Variants in UBA7 observed in about 807,000 individuals in gnomAD.
UBA7 encodes ubiquitin-like modifier-activating enzyme 7.
In UBA7, 88 loss-of-function variants were observed where a neutral mutation model predicts 113.0. The observed-to-expected ratio is 0.78, with a 90% CI of 0.66 to 0.93. The LOEUF is 0.93. UBA7 is among the 40% of genes least tolerant of loss of function. The pLI is 0.00. For synonymous variants in UBA7, 459 were observed against 513.0 expected (o/e 0.89, Z 1.42); for missense variants, 1,092 against 1,266.4 (o/e 0.86, Z 2.09).
Position 49,807,636 on chromosome 3 carries a change from G to T in UBA7, c.2715+100C>A. The T allele has an allele frequency of 7.0e-7, 1 of 1,419,678 alleles. No individual in the cohort carries two copies. Among genetic ancestry groups the T allele is most frequent in the Non-Finnish European group, 9.5e-7 (1 of 1,055,752 alleles). The allele number at this position is 1,419,678 out of a possible 1,614,324, so 87.9% of individuals were successfully genotyped here. A position where few individuals can be genotyped will look rare whatever the true frequency, so the allele number is the denominator to read the frequency against. On this transcript the variant is annotated intron_variant, in intron 21 of 23. Transcript: ENST00000333486. The surrounding 1 kb of genome is among the most constrained non-coding windows in gnomAD (Gnocchi z 4.0). ...AGTCTTCAGGACTTCTGCACAGTCT[G>T]AGTTTCAGTGAGAGCCGGCAGCTAG... is the stretch of plus-strand genomic sequence containing the variant.
In UBA7 at chr3:49,810,636, C is replaced by A; in HGVS notation, c.1348G>T (p.Val450Phe). ...AGAIGCELLKVFALVGLGAGN... is the reference protein window; with the variant it reads ...AGAIGCELLKFFALVGLGAGN... ...GCCCCCAGTCCCACTAGGGCAAAGA[C>A]TTTGAGCAGCTCACAACCAATGGCA... is the stretch of plus-strand genomic sequence containing the variant. Residue 450 changes from valine to phenylalanine, a missense_variant, in exon 12 of 24, where the codon GTC becomes TTC. Physicochemically the swap from Val to Phe is conservative, Grantham distance 50 (BLOSUM62 -1). Coordinates refer to ENST00000333486, the MANE Select transcript of UBA7 (RefSeq NM_003335.3). The surrounding 1 kb of genome is among the most constrained non-coding windows in gnomAD (Gnocchi z 5.6). The A allele has an allele frequency of 6.2e-7, 1 of 1,614,130 alleles. No individual in the cohort carries two copies. The highest frequency in any genetic ancestry group is 8.5e-7 in the Non-Finnish European group (1 of 1,180,004).
rs1312194057 is a variant in UBA7, at chr3:49,806,125, A to G, written c.2756T>C (p.Val919Ala). Residue 919 changes from valine (V) to alanine (A), a missense_variant, in exon 22 of 24, where the codon GTA (valine) becomes GCA (alanine). Val to Ala is a moderately conservative substitution (Grantham distance 64, BLOSUM62 0). Around this residue, in one of 3 missense-constraint regions of UBA7, gnomAD observed 500 missense variants for 529.3 expected, o/e 0.94. Transcript: ENST00000333486. ...GGTCCTCTCAGGCTGCCCAGCTGGTACCTTCAGACGGTCCCAAGAGGTCCA... is the reference window on the plus strand; with the variant it reads ...GGTCCTCTCAGGCTGCCCAGCTGGTGCCTTCAGACGGTCCCAAGAGGTCCA... ...LKWTSWDRLK[V>A]PAGQPERTLE... The G allele has an allele frequency of 6.2e-7, 1 of 1,602,604 alleles. No homozygotes were observed.
At position 49,809,100 on chromosome 3, in the gene UBA7, C is replaced by A. The variant is rs141482367; in HGVS notation, c.2223G>T (p.Leu741=). The part of the protein sequence containing the change: ...AANLYAQMHG[L]PGSQDWTALR... ...GTGCAGTCCAGTCCTGTGAGCCAGGCAGCCCATGCATCTGGGCATACAGGT... is the reference window on the plus strand; with the variant it reads ...GTGCAGTCCAGTCCTGTGAGCCAGGAAGCCCATGCATCTGGGCATACAGGT... Residue 741 remains leucine, a synonymous_variant, in exon 18 of 24, where the codon CTG becomes CTT. Transcript: ENST00000333486. 5.1e-4 allele frequency: 823 copies of A among 1,613,572 alleles called. 4 individuals carry two copies. The African/African-American group carries it at 9.5e-3, about 19-fold the overall frequency.
At position 49,810,727 on chromosome 3, in the gene UBA7, C is replaced by A. The variant is rs747027968; in HGVS notation, c.1311+25G>T. The A allele has an allele frequency of 1.9e-6, 3 of 1,614,100 alleles. No individual in the cohort carries two copies. The highest frequency in any genetic ancestry group is 1.1e-5 in the South Asian group (1 of 91,072). ...GGCTGGGCTGGCTCTCCCAAAGGCA[C>A]CCCCAGTCTCACCCCACAGCTCACC... On this transcript the variant is annotated intron_variant, in intron 11 of 23. Coordinates refer to ENST00000333486, the MANE Select transcript of UBA7 (RefSeq NM_003335.3). This position sits in a 1 kb window ranked among gnomAD's most constrained non-coding sequence, Gnocchi z 5.6.
chr3:49,808,269 C>T, intron 19 of UBA7, 117 bp downstream of exon 19: 1 of 1,512,970 alleles, frequency 6.6e-7, no homozygotes, highest in Non-Finnish European at 9.2e-7. Context: ...ATGTGAGCTG[C>T]TTCCAGGGTC....
chr3:49,805,797 A>G, intron 23 of UBA7, 100 bp downstream of exon 23: 4 of 1,165,946 alleles, frequency 3.4e-6, no homozygotes, highest in Non-Finnish European at 2.5e-6. Flanking sequence ...GGAAGGTGTG[A>G]GGGGCCCAGA....
chr3:49,805,290 G>A lies in UBA7; in HGVS notation c.*18C>T. ...GATCCGGGGCTCCATTGAGCTAGGT[G>A]ACAGGGTGGCTGCCTTGTCACAGCT... On this transcript the variant is annotated 3_prime_UTR_variant, in exon 24 of 24. Coordinates refer to ENST00000333486, the MANE Select transcript of UBA7 (RefSeq NM_003335.3). The A allele has an allele frequency of 6.2e-7, 1 of 1,610,258 alleles. No individual in the cohort carries two copies. Among genetic ancestry groups the A allele is most frequent in the Non-Finnish European group, 8.5e-7 (1 of 1,176,942 alleles).
At chr3:49,813,408 G>A (rs766100126) in intron 2 of UBA7, 25 bp from the exon 3 acceptor site, 1 of 1,610,752 alleles carries the variant, frequency 6.2e-7, no homozygotes, top group South Asian at 1.1e-5. Context: ...AGTGCAGCCT[G>A]AGCAAAGACA....
rs1260522342 is a variant in UBA7 at position 49,812,024 on chromosome 3, G to A, written c.793-8C>T. 2 of 1,614,152 alleles carry A rather than the reference G, an allele frequency of 1.2e-6. No individual in the cohort carries two copies. The highest frequency in any genetic ancestry group is 1.7e-6 in the Non-Finnish European group (2 of 1,180,018). On this transcript the variant is annotated splice_region_variant and splice_polypyrimidine_tract_variant and intron_variant, in intron 7 of 23. Transcript: ENST00000333486. ...GGCTGTGTCCAGGGACTTCTGCAAGGGCACCTGGCTCAGGGTCTAGTCCAG... is the reference window on the plus strand; with the variant it reads ...GGCTGTGTCCAGGGACTTCTGCAAGAGCACCTGGCTCAGGGTCTAGTCCAG...
At chr3:49,811,665 C>T in intron 8 of UBA7, 1 of 1,101,296 alleles carries the variant, frequency 9.1e-7, no homozygotes. Context: ...AATCTGAGTG[C>T]AGCTTCCAGC....
In UBA7 at chr3:49,805,271, G is replaced by A. The variant is rs1367661777; in HGVS notation, c.*37C>T. The A allele has an allele frequency of 2.5e-6, 4 of 1,597,174 alleles. No individual in the cohort carries two copies. The highest frequency in any genetic ancestry group is 2.6e-6 in the Non-Finnish European group (3 of 1,166,500). ...CTTACAATGCAGGGCTTGGGATCCG[G>A]GGCTCCATTGAGCTAGGTGACAGGG... On this transcript the variant is annotated 3_prime_UTR_variant, in exon 24 of 24. Coordinates refer to ENST00000333486, the MANE Select transcript of UBA7 (RefSeq NM_003335.3).
chr3:49,810,612 C>T lies in UBA7; in HGVS notation c.1372G>A (p.Ala458Thr), dbSNP rs558715259. 6 of 1,614,128 alleles carry T rather than the reference C, an allele frequency of 3.7e-6. No homozygotes were observed. In the East Asian group the frequency reaches 1.1e-4, roughly 30 times the overall value. ...LKVFALVGLGAGNSGGLTVVD... is the reference protein window; with the variant it reads ...LKVFALVGLGTGNSGGLTVVD... ...ACAGTCAAGCCCCCGCTGTTCCCGG[C>T]CCCCAGTCCCACTAGGGCAAAGACT... Residue 458 changes from alanine to threonine, a missense_variant, in exon 12 of 24, where the codon GCC becomes ACC. Ala to Thr is a moderately conservative substitution (Grantham distance 58, BLOSUM62 0). Coordinates refer to ENST00000333486, the MANE Select transcript of UBA7 (RefSeq NM_003335.3). The surrounding 1 kb of genome is among the most constrained non-coding windows in gnomAD (Gnocchi z 5.6).
Position 49,812,483 on chromosome 3 carries a change from C to A in UBA7, c.619G>T (p.Asp207Tyr). The A allele has an allele frequency of 6.2e-7, 1 of 1,614,242 alleles. No homozygotes were observed. Among genetic ancestry groups the A allele is most frequent in the Non-Finnish European group, 8.5e-7 (1 of 1,180,056 alleles). The change falls in exon 6 of 24, where the codon GAC becomes TAC. Residue 207 changes from aspartate to tyrosine, a missense_variant. Transcript: ENST00000333486. ...TCAATTCCCGAGAAAGTCACCAAGT[C>A]TCCATCACGGAAGTAGTGGGTATTG... is the stretch of plus-strand genomic sequence containing the variant. ...GANTHYFRDG[D>Y]LVTFSGIEGM...
At chr3:49,811,617 G>A in intron 8 of UBA7, 162 bp from the exon 9 acceptor site, 1 of 1,167,296 alleles carries the variant, frequency 8.6e-7, no homozygotes. Context: ...ACCACCAGAG[G>A]ATGCCCAGTA....
At position 49,809,434 on chromosome 3, in the gene UBA7, C is replaced by G. The variant is rs969852131; in HGVS notation, c.2119G>C (p.Gly707Arg). 8 of 1,614,050 alleles carry G rather than the reference C, an allele frequency of 5.0e-6. No homozygotes were observed. Among genetic ancestry groups the G allele is most frequent in the Non-Finnish European group, 6.8e-6 (8 of 1,180,018 alleles). ...AAGGGCTGGGGACACTGTTTGGGAC[C>G]TGACCAGAAGGGAGTTCCATCCTCA... ...VLEDGTPFWS[G>R]PKQCPQPLEF... Residue 707 changes from glycine (G) to arginine (R), a missense_variant, in exon 17 of 24, where the codon GGT (glycine) becomes CGT (arginine). By Grantham distance (125) the Gly-to-Arg change is moderately radical (BLOSUM62 -2). This residue lies in a region of UBA7 where 500 missense variants were observed against 529.3 expected (regional missense o/e 0.94). Coordinates refer to ENST00000333486, the MANE Select transcript of UBA7 (RefSeq NM_003335.3).
In UBA7 at chr3:49,813,916, G is replaced by A; in HGVS notation, c.-129C>T. Reference sequence around the variant, plus strand: ...ACAGGAACCAAGGCCAAGCGAATAAGGGACGCTGCTGGTCACAGCTCTCTT... The same window carrying A: ...ACAGGAACCAAGGCCAAGCGAATAAAGGACGCTGCTGGTCACAGCTCTCTT... On this transcript the variant is annotated 5_prime_UTR_variant, in exon 1 of 24. Transcript: ENST00000333486. The A allele has an allele frequency of 9.7e-7, 1 of 1,025,902 alleles. No homozygotes were observed. 63.5% of individuals were successfully genotyped at this position (1,025,902 alleles called of 1,614,324 possible).
At position 49,808,049 on chromosome 3, in the gene UBA7, A is replaced by T. The variant is rs142820056; in HGVS notation, c.2494T>A (p.Tyr832Asn). The change falls in exon 20 of 24, where the codon TAC becomes AAC. Residue 832 changes from tyrosine to asparagine, a missense_variant. Transcript: ENST00000333486. ...GCACGGTTGACCGGTGGAATCCCGT[A>T]GTTCTGACATCTCAGGCTAGCTGCC... ...VAAASLRCQN[Y>N]GIPPVNRAQS... The T allele has an allele frequency of 3.1e-6, 5 of 1,614,042 alleles. No individual in the cohort carries two copies. In the African/African-American group the frequency reaches 6.7e-5, roughly 22 times the overall value.
chr3:49,806,200 T>A (rs749605972), intron 21 of UBA7, 35 bp from the exon 22 acceptor site: 1 of 1,530,170 alleles, frequency 6.5e-7, no homozygotes, highest in Admixed American at 2.0e-5. Context: ...AGAGACTTCT[T>A]ACCTCCCCCC....
Position 49,813,192 on chromosome 3 carries a change from G to A in UBA7, c.361-24C>T, listed in dbSNP as rs751112457. The A allele has an allele frequency of 1.3e-4, 205 of 1,613,590 alleles. 3 individuals carry two copies. In the East Asian group the frequency reaches 4.5e-3, roughly 36 times the overall value. On this transcript the variant is annotated intron_variant, in intron 3 of 23. Coordinates refer to ENST00000333486, the MANE Select transcript of UBA7 (RefSeq NM_003335.3). The stretch of plus-strand genomic sequence containing the variant: ...ACCTGGGTGGACACAGTGATCAGCA[G>A]GGCCAAAACCATTGCCCAGCCCTTC...
Sources: gnomAD v4.1 joint callset for allele counts on GRCh38, gnomAD v4.1.1 for gene constraint, gnomAD v4.1.1 regional missense constraint, Gnocchi (gnomAD v3.1) non-coding constraint, MANE v1.5 for transcripts, NCBI Gene and HGNC (gene_info 2026-07-23, HGNC 2026-07-21) for gene names.